NRG1: variants seen among roughly 807,000 people sequenced by gnomAD.
NRG1 encodes the protein pro-neuregulin-1, membrane-bound isoform.
NRG1 carries 18 observed loss-of-function variants against 63.8 expected under a neutral mutation model. The ratio of observed to expected loss-of-function variants is 0.28; its 90% CI spans 0.19 to 0.42. NRG1 has a LOEUF of 0.42. Among genes scored for constraint, NRG1 ranks in the 10% least tolerant of loss-of-function variants. The pLI is 1.00. For missense variants in NRG1, 762 were observed against 814.7 expected (o/e 0.94, Z 0.79); for synonymous variants, 302 against 301.3 (o/e 1.00, Z -0.02).
chr8:32,044,758 G>A (rs1328074374), intron 1 of NRG1, among the ~76,000 whole-genome samples: 2 of 151,326 alleles, frequency 1.3e-5, no homozygotes, highest in African/African-American at 4.8e-5. Flanking sequence ...ATTTCAAACT[G>A]CATAGAAATG....
intron 1 of NRG1, among the ~76,000 whole-genome samples, chr8:32,282,659 T>C (rs1450453935): frequency 6.6e-6 from 1 of 152,194 alleles, no homozygotes; most frequent in East Asian, 1.9e-4. Context: ...TGGGTAAAAA[T>C]GTTTTGTCTC....
intron 9 of NRG1, among the ~76,000 whole-genome samples, chr8:32,758,610 A>G (rs1199521384): frequency 2.0e-5 from 3 of 149,112 alleles, no homozygotes; most frequent in Non-Finnish European, 4.4e-5. Flanking sequence ...AAAGGAGAAG[A>G]AAAGAAAAGA....
At chr8:31,855,514 G>A (rs953537282) in intron 1 of NRG1, among the ~76,000 whole-genome samples, 42 of 152,208 alleles carry the variant, frequency 2.8e-4, no homozygotes, top group South Asian at 6.2e-4. Context: ...GTCTCTGCAC[G>A]TGAGATGGGT....
At chr8:32,447,719 T>A (rs1587708552) in intron 1 of NRG1, among the ~76,000 whole-genome samples, 1 of 151,932 alleles carries the variant, frequency 6.6e-6, no homozygotes, top group African/African-American at 2.4e-5. Flanking sequence ...AAATATTTTT[T>A]AAAATTAGTC....
chr8:32,707,831 T>A (rs1316642901), intron 5 of NRG1, among the ~76,000 whole-genome samples: 1 of 151,950 alleles, frequency 6.6e-6, no homozygotes, highest in African/African-American at 2.4e-5. Context: ...AACTTAAAAA[T>A]AAGAATATTT....
intron 3 of NRG1, among the ~76,000 whole-genome samples, chr8:32,608,107 G>GTT (rs1224928528): frequency 4.8e-5 from 5 of 104,798 alleles, no homozygotes; most frequent in East Asian, 4.4e-4. Context: ...TTTTTTTTTT[G>GTT]TTTTTTTTTT....
chr8:32,342,728 C>T (rs904393251), intron 1 of NRG1, among the ~76,000 whole-genome samples: 1 of 152,184 alleles, frequency 6.6e-6, no homozygotes, highest in South Asian at 2.1e-4. Flanking sequence ...AAAGATTTCA[C>T]TTAAATATGA....
At chr8:31,790,267 C>A (rs564885717) in intron 1 of NRG1, among the ~76,000 whole-genome samples, 2 of 152,048 alleles carry the variant, frequency 1.3e-5, no homozygotes, top group Non-Finnish European at 2.9e-5. Context: ...ATTGAAGTAA[C>A]AAGAAATTAG....
rs140496044 is a variant in NRG1, at chr8:31,776,912, G to A, written c.37+137481G>A. Reference sequence around the variant, plus strand: ...CATAGTAACAGCAGGTTCTGGAGAGGATGTGGAGAAATAGGAACACTTTTA... The same window carrying A: ...CATAGTAACAGCAGGTTCTGGAGAGAATGTGGAGAAATAGGAACACTTTTA... On this transcript the variant is annotated intron_variant, in intron 1 of 10. Coordinates refer to the NRG1 transcript ENST00000519301. Among the ~76,000 whole-genome samples, 583 of 152,282 alleles carry A rather than the reference G, an allele frequency of 3.8e-3. 1 individual carries two copies. Among genetic ancestry groups the A allele is most frequent in the Middle Eastern group, 0.02 (6 of 294 alleles).
intron 1 of NRG1, among the ~76,000 whole-genome samples, chr8:31,910,525 G>A (rs896110306): frequency 6.6e-5 from 10 of 152,154 alleles, no homozygotes; most frequent in African/African-American, 2.4e-4. Flanking sequence ...CAGTCCAGCA[G>A]AGAGATGATG....
At chr8:31,976,733 A>G (rs879769272) in intron 1 of NRG1, among the ~76,000 whole-genome samples, 1 of 151,810 alleles carries the variant, frequency 6.6e-6, no homozygotes, top group Non-Finnish European at 1.5e-5. Context: ...CAATTATTCT[A>G]AGAAAAGCAA....
chr8:31,717,133 G>A (rs1812424393), intron 1 of NRG1, among the ~76,000 whole-genome samples: 1 of 152,180 alleles, frequency 6.6e-6, no homozygotes, highest in African/African-American at 2.4e-5. Context: ...TTCACCGGGT[G>A]CAGTGGCTTA....
At position 32,360,379 on chromosome 8, in the gene NRG1, A is replaced by G. The variant is rs534288181; in HGVS notation, c.38-235449A>G. ...AATTTAATAAGCTATGCTAAATACC[A>G]ATTCTCTTTCTATTATCTCTATAGA... On this transcript the variant is annotated intron_variant, in intron 1 of 10. Coordinates refer to the NRG1 transcript ENST00000519301. Among the ~76,000 whole-genome samples the G allele has an allele frequency of 7.8e-4, 119 of 152,316 alleles. 1 individual carries two copies. The highest frequency in any genetic ancestry group is 1.4e-3 in the Non-Finnish European group (92 of 68,026).
At chr8:32,638,169 T>C (rs570989092) in intron 5 of NRG1, among the ~76,000 whole-genome samples, 118 of 152,376 alleles carry the variant, frequency 7.7e-4, no homozygotes, top group African/African-American at 2.5e-3. Context: ...GTTTTTTGTT[T>C]GTTTGTTTTT....
At chr8:32,735,647 A>G (rs890370782) in intron 6 of NRG1, among the ~76,000 whole-genome samples, 2 of 152,138 alleles carry the variant, frequency 1.3e-5, no homozygotes, top group African/African-American at 4.8e-5. Flanking sequence ...GTGGAGATGT[A>G]TGGGATGTAG....
At chr8:31,969,430 G>C (rs1806911561) in intron 1 of NRG1, among the ~76,000 whole-genome samples, 1 of 152,086 alleles carries the variant, frequency 6.6e-6, no homozygotes, top group South Asian at 2.1e-4. Flanking sequence ...AAGGTGCTTT[G>C]AGGAAGAAGT....
intron 6 of NRG1, among the ~76,000 whole-genome samples, chr8:32,734,674 ACTATGTG>A (rs1824556181): frequency 6.6e-6 from 1 of 152,204 alleles, no homozygotes; most frequent in African/African-American, 2.4e-5. Flanking sequence ...CTAGAATCCT[ACTATGTG>A]CTTATGAGGA....
chr8:32,647,273 C>T (rs1029588499), intron 5 of NRG1: 2 of 985,272 alleles, frequency 2.0e-6, no homozygotes, highest in Admixed American at 1.2e-4. Context: ...CGCCGCTGGT[C>T]CTCCTTCTGC....
chr8:32,176,935 C>G (rs1448059259), intron 1 of NRG1, among the ~76,000 whole-genome samples: 8 of 152,188 alleles, frequency 5.3e-5, no homozygotes, highest in African/African-American at 1.9e-4. Flanking sequence ...CCTCAGGGAT[C>G]TAGAACTAGA....
Sources: gnomAD v4.1 joint callset for allele counts (sites outside exome capture counted in the v4.1 genomes callset) on GRCh38, gnomAD v4.1.1 for gene constraint, MANE v1.5 for transcripts, NCBI Gene and HGNC (gene_info 2026-07-23, HGNC 2026-07-21) for gene names.